Variants in EHMT1 observed in about 807,000 individuals in gnomAD.
EHMT1 encodes histone-lysine N-methyltransferase EHMT1.
A neutral mutation model predicts 147.2 loss-of-function variants in EHMT1; 15 were observed. The observed-to-expected ratio is 0.10, with a 90% CI of 0.07 to 0.16. The LOEUF is 0.16. Among genes scored for constraint, EHMT1 ranks in the 10% least tolerant of loss-of-function variants. EHMT1 has a pLI of 1.00. For missense variants in EHMT1, 1,587 were observed against 1,772.4 expected, an observed-to-expected ratio of 0.90 and a Z score of 1.88; for synonymous variants, 795 against 709.6, an observed-to-expected ratio of 1.12 and a Z score of -1.91.
intron 2 of EHMT1, among the ~76,000 whole-genome samples, chr9:137,713,365 G>T (rs1944918959): frequency 6.6e-6 from 1 of 151,056 alleles, no homozygotes; most frequent in Middle Eastern, 3.4e-3. Flanking sequence ...CGCTTCCCGG[G>T]TTCACGCCAT....
intron 1 of EHMT1, among the ~76,000 whole-genome samples, chr9:137,689,338 T>A (rs1432023559): frequency 6.6e-6 from 1 of 152,204 alleles, no homozygotes; most frequent in Non-Finnish European, 1.5e-5. Flanking sequence ...TGTGCTATTG[T>A]TTTTGTGAGT....
chr9:137,694,737 C>T (rs1396963064), intron 1 of EHMT1, among the ~76,000 whole-genome samples: 2 of 152,202 alleles, frequency 1.3e-5, no homozygotes, highest in African/African-American at 4.8e-5. Flanking sequence ...GAGCTGTTAG[C>T]AGGAGGCTGG....
In EHMT1 at chr9:137,834,746, G is replaced by A. The variant is rs554169612; in HGVS notation, c.3717-27G>A. The A allele has an allele frequency of 6.8e-6, 11 of 1,613,374 alleles. No homozygotes were observed. In the African/African-American group the frequency reaches 9.3e-5, roughly 14 times the overall value. On this transcript the variant is annotated intron_variant, in intron 26 of 26. Coordinates refer to ENST00000460843, the MANE Select transcript of EHMT1 (RefSeq NM_024757.5). ...GGGAGGTGCCGGTGGGATTCGACTT[G>A]GAGCCTTGGTTCTGTTCCCTCCCCA...
intron 1 of EHMT1, 90 bp downstream of exon 1, chr9:137,619,139 AGGCGGCC>A (rs1202974952): frequency 3.4e-6 from 1 of 298,286 alleles, no homozygotes; most frequent in Non-Finnish European, 4.7e-6. Flanking sequence ...GGGCGGCGGC[AGGCGGCC>A]GGCGGGCGGG....
intron 1 of EHMT1, among the ~76,000 whole-genome samples, chr9:137,642,087 G>A (rs1844531681): frequency 6.6e-6 from 1 of 151,968 alleles, no homozygotes; most frequent in Non-Finnish European, 1.5e-5. Flanking sequence ...TGATCCACCC[G>A]CCTCGGCCTC....
chr9:137,717,605 CAAAAAA>C lies in EHMT1; in HGVS notation c.642+439_642+444del, dbSNP rs1163785484. ...TGGGCACCAGAGTGAGACCCTGTCT[CAAAAAA>C]AAAAAAAAAAAAAAAGAGATGCTGC... On this transcript the variant is annotated intron_variant, in intron 3 of 26. Coordinates refer to ENST00000460843, the MANE Select transcript of EHMT1 (RefSeq NM_024757.5). Among the ~76,000 whole-genome samples the C allele has an allele frequency of 1.0e-4, 7 of 69,610 alleles. No individual in the cohort carries two copies. The East Asian group carries it at 3.4e-3, about 34-fold the overall frequency. 45.7% of individuals were successfully genotyped at this position (69,610 alleles called of 152,430 possible).
At chr9:137,816,168 A>G (rs2132762565) in intron 23 of EHMT1, 106 bp downstream of exon 23, 1 of 1,001,760 alleles carries the variant, frequency 1.0e-6, no homozygotes, top group South Asian at 1.4e-5. Flanking sequence ...GGATGCACGC[A>G]CATGTGTGTT....
At chr9:137,727,660 A>G (rs776480535) in intron 3 of EHMT1, among the ~76,000 whole-genome samples, 2 of 152,236 alleles carry the variant, frequency 1.3e-5, no homozygotes, top group Non-Finnish European at 2.9e-5. Flanking sequence ...AAGTTAAACT[A>G]TCACAGGTCT....
Position 137,800,865 on chromosome 9 carries a change from C to T in EHMT1, c.2608-15C>T, listed in dbSNP as rs1331400279. 1 of 1,613,310 alleles carries T rather than the reference C, an allele frequency of 6.2e-7. No individual in the cohort carries two copies. Among genetic ancestry groups the T allele is most frequent in the South Asian group, 1.1e-5 (1 of 91,058 alleles). ...GTCTCTGGAGCGATGACAGCTTTGT[C>T]CTCTTCCCTGGCAGGATGACGGAGG... On this transcript the variant is annotated splice_polypyrimidine_tract_variant and intron_variant, in intron 17 of 26. Transcript: ENST00000460843.
chr9:137,801,821 C>T (rs1466501724), intron 18 of EHMT1, among the ~76,000 whole-genome samples: 1 of 152,062 alleles, frequency 6.6e-6, no homozygotes, highest in East Asian at 1.9e-4. Flanking sequence ...TTAGTAGAGA[C>T]AGGGTTTAGC....
Position 137,813,335 on chromosome 9 carries a change from C to T in EHMT1, c.3036-51C>T. 2 of 1,587,796 alleles carry T rather than the reference C, an allele frequency of 1.3e-6. No homozygotes were observed. Among genetic ancestry groups the T allele is most frequent in the Non-Finnish European group, 1.7e-6 (2 of 1,171,052 alleles). On this transcript the variant is annotated intron_variant, in intron 20 of 26. Coordinates refer to ENST00000460843, the MANE Select transcript of EHMT1 (RefSeq NM_024757.5). This position sits in a 1 kb window ranked among gnomAD's most constrained non-coding sequence, Gnocchi z 4.9. Reference sequence around the variant, plus strand: ...CGCCCCACTGCACGCTGTGCCACCCCCTGGGCAGAGCACGTCAGCCACCAG... The same window carrying T: ...CGCCCCACTGCACGCTGTGCCACCCTCTGGGCAGAGCACGTCAGCCACCAG...
At chr9:137,694,074 G>A (rs1204295659) in intron 1 of EHMT1, among the ~76,000 whole-genome samples, 11 of 83,542 alleles carry the variant, frequency 1.3e-4, no homozygotes, top group South Asian at 5.1e-4. Context: ...TCAGGACGCT[G>A]GCCGATACCC....
At chr9:137,622,611 C>A (rs1439685894) in intron 1 of EHMT1, among the ~76,000 whole-genome samples, 1 of 152,144 alleles carries the variant, frequency 6.6e-6, no homozygotes, top group Non-Finnish European at 1.5e-5. Flanking sequence ...TTATGTTCAT[C>A]CTGCCCCAAT....
chr9:137,630,951 A>G (rs1226718525), intron 1 of EHMT1, among the ~76,000 whole-genome samples: 1 of 152,178 alleles, frequency 6.6e-6, no homozygotes, highest in Non-Finnish European at 1.5e-5. Flanking sequence ...TGATACTTTA[A>G]AAAGATGACC....
chr9:137,832,865 T>A, intron 25 of EHMT1: 1 of 152,126 alleles, frequency 6.6e-6, no homozygotes, highest in African/African-American at 2.4e-5. Context: ...AGTTCCGGAA[T>A]TGCATTCTGC....
chr9:137,822,160 C>T (rs1306680689), intron 25 of EHMT1, among the ~76,000 whole-genome samples: 1 of 152,176 alleles, frequency 6.6e-6, no homozygotes, highest in Admixed American at 6.5e-5. Context: ...AAACGGAATC[C>T]TGTGTCCGGC....
chr9:137,820,740 C>T (rs910782687), intron 25 of EHMT1, among the ~76,000 whole-genome samples: 7 of 152,240 alleles, frequency 4.6e-5, no homozygotes, highest in Non-Finnish European at 1.0e-4. Context: ...TTTCCCCAGT[C>T]AGCAGTGTGG....
rs1407766479 is a variant in EHMT1, at chr9:137,775,906, C to T, written c.1791+654C>T. Among the ~76,000 whole-genome samples, 1 of 151,116 alleles carries T rather than the reference C, an allele frequency of 6.6e-6. No individual in the cohort carries two copies. The highest frequency in any genetic ancestry group is 1.5e-5 in the Non-Finnish European group (1 of 67,890). On this transcript the variant is annotated intron_variant, in intron 11 of 26. Coordinates refer to ENST00000460843, the MANE Select transcript of EHMT1 (RefSeq NM_024757.5). The surrounding 1 kb of genome is among the most constrained non-coding windows in gnomAD (Gnocchi z 6.1). The stretch of plus-strand genomic sequence containing the variant: ...GGGTGTGTGTGTGTGTGTGTCTGTG[C>T]GCGCACACATCTGTGTGAGCCTCTG...
chr9:137,674,522 A>G (rs1406526138), intron 1 of EHMT1, among the ~76,000 whole-genome samples: 4 of 152,206 alleles, frequency 2.6e-5, no homozygotes, highest in Non-Finnish European at 2.9e-5. Context: ...TGTCTGGTCT[A>G]GAAGAGCAAG....
Sources: gnomAD v4.1 joint callset for allele counts (sites outside exome capture counted in the v4.1 genomes callset) on GRCh38, gnomAD v4.1.1 for gene constraint, Gnocchi (gnomAD v3.1) non-coding constraint, MANE v1.5 for transcripts, NCBI Gene and HGNC (gene_info 2026-07-23, HGNC 2026-07-21) for gene names.